RUFY2: variants seen among roughly 807,000 people sequenced by gnomAD.
RUFY2 encodes the protein RUN and FYVE domain containing 2.
In RUFY2, 49 loss-of-function variants were observed where a neutral mutation model predicts 94.4. That is an observed-to-expected ratio of 0.52 (90% CI 0.41 to 0.66). The LOEUF (loss-of-function observed/expected upper bound fraction) is 0.66, where lower values mean the gene tolerates loss of function less well. Ranked by LOEUF, RUFY2 falls within the 30% of genes least tolerant of loss-of-function variation. The probability of loss-of-function intolerance (pLI) is 0.00; values close to 1 mark genes in which losing one functional copy is unlikely to be tolerated. For missense variants in RUFY2, 541 were observed against 692.8 expected (o/e 0.78, Z 2.46); for synonymous variants, 255 against 235.7 (o/e 1.08, Z -0.75).
At chr10:68,380,108 C>A (rs539348559) in intron 11 of RUFY2, among the ~76,000 whole-genome samples, 22 of 141,732 alleles carry the variant, frequency 1.6e-4, no homozygotes, top group African/African-American at 5.7e-4. Context: ...GCACACGGCC[C>A]TTTTTTTTTT....
intron 1 of RUFY2, chr10:68,405,597 A>G: frequency 1.3e-6 from 1 of 761,134 alleles, no homozygotes; most frequent in Non-Finnish European, 1.6e-6. Context: ...TAAACTGGCA[A>G]TAAAATAAAA....
chr10:68,357,092 G>A (rs1187113596), intron 15 of RUFY2, among the ~76,000 whole-genome samples: 2 of 151,588 alleles, frequency 1.3e-5, no homozygotes, highest in Admixed American at 6.6e-5. Flanking sequence ...CACTTGAACC[G>A]GGGAAGCAGA....
intron 8 of RUFY2, among the ~76,000 whole-genome samples, chr10:68,385,138 C>T (rs1308279193): frequency 6.7e-4 from 102 of 152,042 alleles, no homozygotes; most frequent in Non-Finnish European, 5.9e-5. Context: ...GTGGTGCGTG[C>T]CTTTAATCCC....
chr10:68,367,029 G>A (rs1195814575), intron 13 of RUFY2, among the ~76,000 whole-genome samples: 8 of 151,244 alleles, frequency 5.3e-5, no homozygotes, highest in Middle Eastern at 3.4e-3. Context: ...TTATCTGGGC[G>A]TGGTGGCGGG....
intron 7 of RUFY2, among the ~76,000 whole-genome samples, chr10:68,387,060 T>C (rs1191313682): frequency 3.3e-5 from 5 of 152,152 alleles, no homozygotes; most frequent in African/African-American, 1.2e-4. Flanking sequence ...CATTATTGTA[T>C]ATTTTAAGAA....
chr10:68,396,729 A>G lies in RUFY2; in HGVS notation c.398+51T>C, dbSNP rs559596186. ...ACATCTTAAATCCTTTTTGGAAGACAGCATATAAATAAAATAAAAAATGAA... is the reference window on the plus strand; with the variant it reads ...ACATCTTAAATCCTTTTTGGAAGACGGCATATAAATAAAATAAAAAATGAA... On this transcript the variant is annotated intron_variant, in intron 4 of 17. Transcript: ENST00000602465. 7.3e-5 allele frequency: 85 copies of G among 1,159,596 alleles called. No homozygotes were observed. The Admixed American group carries it at 1.2e-3, about 17-fold the overall frequency. The allele number at this position is 1,159,596 out of a possible 1,614,324, so 71.8% of individuals were successfully genotyped here. A position where few individuals can be genotyped will look rare whatever the true frequency, so the allele number is the denominator to read the frequency against.
Position 68,404,861 on chromosome 10 carries a change from G to T in RUFY2, c.5-17C>A. ...CTTTTGTAGCTGAAAACACAAGAAA[G>T]GAATCCAACATCATTTGTAAGACAT... On this transcript the variant is annotated splice_polypyrimidine_tract_variant and intron_variant, in intron 1 of 17. Coordinates refer to ENST00000602465, the MANE Select transcript of RUFY2 (RefSeq NM_001330103.2). The T allele has an allele frequency of 6.6e-7, 1 of 1,513,212 alleles. No homozygotes were observed. Among genetic ancestry groups the T allele is most frequent in the South Asian group, 1.3e-5 (1 of 76,896 alleles). 93.7% of individuals were successfully genotyped at this position (1,513,212 alleles called of 1,614,324 possible).
At chr10:68,381,448 A>G in intron 10 of RUFY2, 49 bp from the exon 11 acceptor site, 5 of 1,537,916 alleles carry the variant, frequency 3.3e-6, no homozygotes, top group Non-Finnish European at 2.7e-6. Context: ...AGGATGTAAA[A>G]ATTAGATATA....
chr10:68,388,076 A>T (rs2049656896), intron 7 of RUFY2, among the ~76,000 whole-genome samples: 1 of 152,182 alleles, frequency 6.6e-6, no homozygotes, highest in African/African-American at 2.4e-5. Context: ...CAAATTGGAC[A>T]ATAATATTCA....
In RUFY2 at chr10:68,363,625, C is replaced by G; in HGVS notation, c.1515G>C (p.Glu505Asp). The change falls in exon 15 of 18, where the codon GAG becomes GAC. Residue 505 changes from glutamate to aspartate, a missense_variant. Glu to Asp is a conservative substitution (Grantham distance 45, BLOSUM62 2). Transcript: ENST00000602465. The stretch of plus-strand genomic sequence containing the variant: ...TGTTGCCGAGTTCTTGAAGAGCTTG[C>G]TCTTGTTCATGATATATTTTTTTCA... ...QQLKKIYHEQ[E>D]QALQELGNKL... is the part of the protein sequence containing the mutation. The G allele has an allele frequency of 6.2e-7, 1 of 1,609,176 alleles. No individual in the cohort carries two copies. The highest frequency in any genetic ancestry group is 1.1e-5 in the South Asian group (1 of 89,824).
At chr10:68,396,955 A>G (rs1424208875) in intron 3 of RUFY2, 74 bp from the exon 4 acceptor site, 1 of 952,366 alleles carries the variant, frequency 1.1e-6, no homozygotes, top group Non-Finnish European at 1.6e-6. Context: ...AGAGGTAAAC[A>G]TTAACAAGGA....
intron 16 of RUFY2, among the ~76,000 whole-genome samples, chr10:68,349,214 C>T (rs1435202794): frequency 6.6e-6 from 1 of 152,052 alleles, no homozygotes; most frequent in Non-Finnish European, 1.5e-5. Flanking sequence ...TTTGAGAAAA[C>T]TTCAGAGAAT....
chr10:68,381,550 T>C, intron 10 of RUFY2, 151 bp from the exon 11 acceptor site: 1 of 688,058 alleles, frequency 1.5e-6, no homozygotes, highest in Admixed American at 3.1e-5. Flanking sequence ...GCAATAAATA[T>C]TTTGAAATGC....
chr10:68,403,519 T>C (rs911931519), intron 2 of RUFY2, among the ~76,000 whole-genome samples: 1 of 152,220 alleles, frequency 6.6e-6, no homozygotes, highest in Non-Finnish European at 1.5e-5. Context: ...CCCAAAGTGC[T>C]GGGATTACAG....
At position 68,343,741 on chromosome 10, in the gene RUFY2, C is replaced by A. The variant is rs928288138; in HGVS notation, c.*2027G>T. 6.9e-6 allele frequency: 1 copy of A among 144,522 alleles called. No homozygotes were observed. The allele number at this position is 144,522 out of a possible 1,614,324, so 9.0% of individuals were successfully genotyped here. Reference sequence around the variant, plus strand: ...GTTAAAAGTCTTGTAACAGAAAAATCCAAAGTTAGTATAGTTTTTAAATAA... The same window carrying A: ...GTTAAAAGTCTTGTAACAGAAAAATACAAAGTTAGTATAGTTTTTAAATAA... On this transcript the variant is annotated 3_prime_UTR_variant, in exon 18 of 18. Transcript: ENST00000602465.
At chr10:68,381,168 C>A in intron 11 of RUFY2, 64 bp downstream of exon 11, 1 of 1,401,372 alleles carries the variant, frequency 7.1e-7, no homozygotes, top group Non-Finnish European at 9.6e-7. Context: ...TCTTAAAAAC[C>A]AAAACCTTTC....
rs1204200305 is a variant in RUFY2, at chr10:68,343,722, A to AGTCTT, written c.*2041_*2045dup. ...CAATCACGAAATACAGATTGTTAAAAGTCTTGTAACAGAAAAATCCAAAGT... is the reference window on the plus strand; with the variant it reads ...CAATCACGAAATACAGATTGTTAAAAGTCTTGTCTTGTAACAGAAAAATCCAAAGT... On this transcript the variant is annotated 3_prime_UTR_variant, in exon 18 of 18. Transcript: ENST00000602465. 2.0e-5 allele frequency: 3 copies of AGTCTT among 152,026 alleles called. No homozygotes were observed. The highest frequency in any genetic ancestry group is 2.1e-4 in the South Asian group (1 of 4,826). The allele number at this position is 152,026 out of a possible 1,614,324, so 9.4% of individuals were successfully genotyped here.
At chr10:68,355,259 C>A in intron 16 of RUFY2, 94 bp downstream of exon 16, 1 of 895,280 alleles carries the variant, frequency 1.1e-6, no homozygotes, top group Non-Finnish European at 1.8e-6. Flanking sequence ...CTCTATATAT[C>A]CTGGGGTTAA....
chr10:68,376,104 A>C (rs908087829), intron 13 of RUFY2, among the ~76,000 whole-genome samples: 2 of 149,438 alleles, frequency 1.3e-5, no homozygotes, highest in African/African-American at 4.9e-5. Flanking sequence ...CTCCATCTCG[A>C]AGGAAAAAAA....
Sources: allele counts gnomAD v4.1 joint callset (sites outside exome capture counted in the v4.1 genomes callset), GRCh38; gene constraint gnomAD v4.1.1; transcripts MANE v1.5; gene names NCBI Gene and HGNC (gene_info 2026-07-23, HGNC 2026-07-21).